RNF152: variants seen among roughly 807,000 people sequenced by gnomAD.
RNF152 encodes E3 ubiquitin-protein ligase RNF152.
A neutral mutation model predicts 12.7 loss-of-function variants in RNF152; 11 were observed. The observed-to-expected ratio is 0.86, with a 90% CI of 0.54 to 1.43. The LOEUF (loss-of-function observed/expected upper bound fraction) is 1.43, where lower values mean the gene tolerates loss of function less well. Among genes scored for constraint, RNF152 ranks in the 40% most tolerant of loss-of-function variants. The probability of loss-of-function intolerance (pLI) is 0.00; values close to 1 mark genes in which losing one functional copy is unlikely to be tolerated. For missense variants in RNF152, 255 were observed against 274.8 expected (o/e 0.93, Z 0.51); for synonymous variants, 113 against 120.3 (o/e 0.94, Z 0.40).
chr18:61,857,936 A>T (rs1354181741), intron 1 of RNF152, among the ~76,000 whole-genome samples: 3 of 152,038 alleles, frequency 2.0e-5, no homozygotes, highest in African/African-American at 7.2e-5. Flanking sequence ...AGGAGCAAAA[A>T]ACAACTCTAG....
chr18:61,844,295 T>C (rs1219589148), intron 1 of RNF152, among the ~76,000 whole-genome samples: 1 of 152,052 alleles, frequency 6.6e-6, no homozygotes. Context: ...AGTTTAAAAC[T>C]CTACAGAGCA....
At chr18:61,844,067 CAGAAAGAAAGGAA>C (rs1910583839) in intron 1 of RNF152, among the ~76,000 whole-genome samples, 1 of 45,264 alleles carries the variant, frequency 2.2e-5, no homozygotes, top group Admixed American at 2.5e-4. Flanking sequence ...GAGAGAAAGA[CAGAAAGAAAGGAA>C]AGAAAGAAAG....
intron 1 of RNF152, among the ~76,000 whole-genome samples, chr18:61,883,035 A>G (rs959450483): frequency 1.3e-5 from 2 of 152,194 alleles, no homozygotes; most frequent in Non-Finnish European, 2.9e-5. Context: ...ACACTCAGAT[A>G]CCAGCACAGG....
intron 1 of RNF152, among the ~76,000 whole-genome samples, chr18:61,875,643 GT>G (rs200521489): frequency 2.0e-4 from 30 of 152,162 alleles, no homozygotes; most frequent in African/African-American, 7.0e-4. Flanking sequence ...TCCCAAATCT[GT>G]TTTTTTCCCT....
At chr18:61,879,402 G>T (rs564059489) in intron 1 of RNF152, among the ~76,000 whole-genome samples, 2 of 152,142 alleles carry the variant, frequency 1.3e-5, no homozygotes, top group South Asian at 4.1e-4. Flanking sequence ...TCATATCAGG[G>T]ACTTGAGCAT....
intron 1 of RNF152, among the ~76,000 whole-genome samples, chr18:61,829,835 C>G (rs1909855333): frequency 6.6e-6 from 1 of 152,090 alleles, no homozygotes; most frequent in African/African-American, 2.4e-5. Flanking sequence ...CCCTCCTATT[C>G]TGTAATCTGG....
At chr18:61,859,606 C>T (rs1911371573) in intron 1 of RNF152, among the ~76,000 whole-genome samples, 1 of 152,156 alleles carries the variant, frequency 6.6e-6, no homozygotes, top group Admixed American at 6.5e-5. Flanking sequence ...AGGCCGGGCA[C>T]GGTGGCTCAT....
chr18:61,816,264 G>A lies in RNF152; in HGVS notation c.200C>T (p.Ser67Leu), dbSNP rs552284456. 8.7e-6 allele frequency: 14 copies of A among 1,614,210 alleles called. No homozygotes were observed. The highest frequency in any genetic ancestry group is 5.3e-5 in the African/African-American group (4 of 75,068). ...GACCTCCGGGTCGTCCGGGAGCTGC[G>A]ACACGGAGAAGCCGGGAGGCAGCTT... ...VTKLPPGFSV[S>L]QLPDDPEVLA... is the part of the protein sequence containing the mutation. Residue 67 changes from serine (S) to leucine (L), a missense_variant, in exon 2 of 2, where the codon TCG (serine) becomes TTG (leucine). Physicochemically the swap from Ser to Leu is moderately radical, Grantham distance 145. Coordinates refer to ENST00000312828, the MANE Select transcript of RNF152 (RefSeq NM_173557.3).
At chr18:61,855,300 GAAGTTCTGGTTC>G (rs1163410934) in intron 1 of RNF152, among the ~76,000 whole-genome samples, 1 of 152,252 alleles carries the variant, frequency 6.6e-6, no homozygotes, top group African/African-American at 2.4e-5. Context: ...ATAAAATCAG[GAAGTTCTGGTTC>G]ATGTAATTCA....
At chr18:61,883,685 C>T (rs777630175) in intron 1 of RNF152, among the ~76,000 whole-genome samples, 1 of 152,114 alleles carries the variant, frequency 6.6e-6, no homozygotes, top group Non-Finnish European at 1.5e-5. Context: ...TCACTCTACT[C>T]CCAAGAAAGC....
At chr18:61,826,347 AAAG>A (rs1909667830) in intron 1 of RNF152, among the ~76,000 whole-genome samples, 1 of 152,202 alleles carries the variant, frequency 6.6e-6, no homozygotes, top group Non-Finnish European at 1.5e-5. Flanking sequence ...TCATGGCCAC[AAAG>A]AAGACAGAAA....
intron 1 of RNF152, among the ~76,000 whole-genome samples, chr18:61,829,057 G>A (rs1045334347): frequency 1.3e-5 from 2 of 152,166 alleles, no homozygotes; most frequent in South Asian, 2.1e-4. Flanking sequence ...GGGAGGCAGT[G>A]CCCAGGGTGG....
chr18:61,826,348 A>T (rs1909667689), intron 1 of RNF152, among the ~76,000 whole-genome samples: 1 of 152,152 alleles, frequency 6.6e-6, no homozygotes, highest in South Asian at 2.1e-4. Context: ...CATGGCCACA[A>T]AGAAGACAGA....
At chr18:61,849,506 G>T (rs1910877706) in intron 1 of RNF152, among the ~76,000 whole-genome samples, 2 of 152,212 alleles carry the variant, frequency 1.3e-5, no homozygotes, top group Non-Finnish European at 2.9e-5. Context: ...GAAGGGGATT[G>T]AAGTAACCTG....
intron 1 of RNF152, among the ~76,000 whole-genome samples, chr18:61,840,342 C>T (rs1324300312): frequency 6.6e-6 from 1 of 152,188 alleles, no homozygotes; most frequent in Admixed American, 6.5e-5. Flanking sequence ...GTCTTGCTCT[C>T]ACGAAGTAGG....
chr18:61,828,785 C>A (rs746525804), intron 1 of RNF152, among the ~76,000 whole-genome samples: 4 of 152,124 alleles, frequency 2.6e-5, no homozygotes, highest in Non-Finnish European at 4.4e-5. Context: ...GTATAAGGCA[C>A]TACTCTAGGT....
At chr18:61,851,642 T>A (rs1198959424) in intron 1 of RNF152, among the ~76,000 whole-genome samples, 1 of 152,158 alleles carries the variant, frequency 6.6e-6, no homozygotes, top group African/African-American at 2.4e-5. Flanking sequence ...ACTGAGACAA[T>A]ATAATCCAGA....
At chr18:61,852,803 G>A (rs1239419092) in intron 1 of RNF152, among the ~76,000 whole-genome samples, 1 of 152,048 alleles carries the variant, frequency 6.6e-6, no homozygotes, top group Non-Finnish European at 1.5e-5. Flanking sequence ...AGAACATAAG[G>A]CACACACCTG....
chr18:61,847,767 C>T lies in RNF152; in HGVS notation c.-135-31169G>A, dbSNP rs530658292. ...CCCTCCCACCCACTTCCCAAACCTG[C>T]TCTACCCACAGTCTTCCCCTTCAGT... On this transcript the variant is annotated intron_variant, in intron 1 of 1. Transcript: ENST00000312828. 2.6e-4 allele frequency among the ~76,000 whole-genome samples: 39 copies of T among 152,226 alleles called. No homozygotes were observed. The South Asian group carries it at 7.7e-3, about 30-fold the overall frequency.
Sources: gnomAD v4.1 joint callset for allele counts (sites outside exome capture counted in the v4.1 genomes callset) on GRCh38, gnomAD v4.1.1 for gene constraint, MANE v1.5 for transcripts, NCBI Gene and HGNC (gene_info 2026-07-23, HGNC 2026-07-21) for gene names.